FBN3: variants seen among roughly 807,000 people sequenced by gnomAD.
The protein encoded by FBN3 is fibrillin 3.
In FBN3, 234 loss-of-function variants were observed where a neutral mutation model predicts 330.1. The observed-to-expected ratio is 0.71, with a 90% CI of 0.64 to 0.79. The LOEUF (loss-of-function observed/expected upper bound fraction) is 0.79, where lower values mean the gene tolerates loss of function less well. Ranked by LOEUF, FBN3 falls within the 30% of genes least tolerant of loss-of-function variation. FBN3 has a pLI of 0.00. For missense variants in FBN3, 3,606 were observed against 3,886.9 expected, an observed-to-expected ratio of 0.93 and a Z score of 1.92; for synonymous variants, 1,458 against 1,517.3, an observed-to-expected ratio of 0.96 and a Z score of 0.91.
chr19:8,138,100 C>A, intron 10 of FBN3, 41 bp downstream of exon 10: 1 of 1,546,702 alleles, frequency 6.5e-7, no homozygotes, highest in East Asian at 2.3e-5. Context: ...CAGGACCATC[C>A]TTCAAGTCTT....
chr19:8,078,276 A>G (rs956445511), intron 59 of FBN3, among the ~76,000 whole-genome samples: 1 of 152,206 alleles, frequency 6.6e-6, no homozygotes, highest in Admixed American at 6.5e-5. Flanking sequence ...TTATTGGGAC[A>G]CAGACACGGT....
intron 41 of FBN3, among the ~76,000 whole-genome samples, 195 bp downstream of exon 41, chr19:8,100,706 A>G (rs1384608474): frequency 1.3e-5 from 2 of 152,204 alleles, no homozygotes; most frequent in Non-Finnish European, 2.9e-5. Context: ...TTTAATAAAA[A>G]TAGTGTCATT....
At chr19:8,130,639 A>AAGAAAAGGAAAGGAAAGGAAAG (rs1555750577) in intron 16 of FBN3, among the ~76,000 whole-genome samples, 1 of 3,960 alleles carries the variant, frequency 2.5e-4, no homozygotes, top group Non-Finnish European at 4.8e-4. Flanking sequence ...AAAGAAAGAA[A>AAGAAAAGGAAAGGAAAGGAAAG]GAAAGGAAAG....
At chr19:8,095,100 T>C (rs1180477238) in intron 46 of FBN3, among the ~76,000 whole-genome samples, 1 of 152,016 alleles carries the variant, frequency 6.6e-6, no homozygotes, top group Non-Finnish European at 1.5e-5. Context: ...GCCTCCTGAG[T>C]AGCTAGGACT....
At chr19:8,139,133 G>A (rs986874017) in intron 8 of FBN3, among the ~76,000 whole-genome samples, 1 of 152,004 alleles carries the variant, frequency 6.6e-6, no homozygotes, top group Non-Finnish European at 1.5e-5. Flanking sequence ...TAGATCATGA[G>A]GTCAGGAGTT....
rs145034645 is a variant in FBN3, at chr19:8,073,117, G to T, written c.7883C>A (p.Thr2628Lys). ...RGPCSYSCAN[T>K]PGGFLCGCPQ... is the part of the protein sequence containing the mutation. ...ACAGCCGCACAGGAAGCCACCAGGC[G>T]TGTTGGCACAGCTGTAGCTACAGGG... Residue 2628 changes from threonine to lysine, a missense_variant, in exon 62 of 64, where the codon ACG becomes AAG. Physicochemically the swap from Thr to Lys is moderately conservative, Grantham distance 78. Coordinates refer to ENST00000600128, the MANE Select transcript of FBN3 (RefSeq NM_032447.5). 6.2e-7 allele frequency: 1 copy of T among 1,613,754 alleles called. No individual in the cohort carries two copies. Among genetic ancestry groups the T allele is most frequent in the Non-Finnish European group, 8.5e-7 (1 of 1,179,876 alleles).
rs2083071792 is a variant in FBN3, at chr19:8,129,354, A to G, written c.2056T>C (p.Cys686Arg). Reference protein sequence around the residue: ...ITTDGRDINECALDPEVCANG... With the variant: ...ITTDGRDINERALDPEVCANG... ...GCACAAACCTCAGGATCCAGAGCAC[A>G]CTCGTTGATGTCTGCGGCAGGAGGA... The change falls in exon 17 of 64, where the codon TGT becomes CGT. Residue 686 changes from cysteine (C) to arginine (R), a missense_variant. Physicochemically the swap from Cys to Arg is radical, Grantham distance 180. Coordinates refer to ENST00000600128, the MANE Select transcript of FBN3 (RefSeq NM_032447.5). The surrounding 1 kb of genome is among the most constrained non-coding windows in gnomAD (Gnocchi z 4.5). 1 of 1,613,964 alleles carries G rather than the reference A, an allele frequency of 6.2e-7. No homozygotes were observed. The highest frequency in any genetic ancestry group is 8.5e-7 in the Non-Finnish European group (1 of 1,179,968).
In FBN3 at chr19:8,117,208, G is replaced by C; in HGVS notation, c.3547C>G (p.Gln1183Glu). Reference protein sequence around the residue: ...TEGSYRCSCGQGYSLMPDGRA... With the variant: ...TEGSYRCSCGEGYSLMPDGRA... ...CCGTCGGGCATCAGCGAGTAGCCCT[G>C]CCCACAGCTGCACCGGTAGCTGCCC... Residue 1183 changes from glutamine to glutamate, a missense_variant, in exon 28 of 64, where the codon CAG becomes GAG. Physicochemically the swap from Gln to Glu is conservative, Grantham distance 29 (BLOSUM62 2). Coordinates refer to ENST00000600128, the MANE Select transcript of FBN3 (RefSeq NM_032447.5). 2 of 1,614,046 alleles carry C rather than the reference G, an allele frequency of 1.2e-6. No homozygotes were observed. The highest frequency in any genetic ancestry group is 1.7e-6 in the Non-Finnish European group (2 of 1,179,976).
Position 8,129,774 on chromosome 19 carries a change from T to G in FBN3, c.2045-409A>C, listed in dbSNP as rs2083081836. On this transcript the variant is annotated intron_variant, in intron 16 of 63. Coordinates refer to ENST00000600128, the MANE Select transcript of FBN3 (RefSeq NM_032447.5). The surrounding 1 kb of genome is among the most constrained non-coding windows in gnomAD (Gnocchi z 4.5). ...ACTGTCATAAAAATAAAAGCAATTA[T>G]AGGCCAGATATGATGGCTGTCACCT... 1.3e-5 allele frequency among the ~76,000 whole-genome samples: 2 copies of G among 152,204 alleles called. No homozygotes were observed. The highest frequency in any genetic ancestry group is 4.1e-4 in the South Asian group (2 of 4,820).
intron 63 of FBN3, among the ~76,000 whole-genome samples, chr19:8,066,482 G>T (rs11667975): frequency 0.18 from 28,004 of 152,148 alleles, 3,277 homozygotes; most frequent in Middle Eastern, 0.3. Context: ...ACCAAATACG[G>T]CATGTTCTCA....
chr19:8,142,375 C>A (rs1054078603), intron 6 of FBN3, among the ~76,000 whole-genome samples: 2 of 152,158 alleles, frequency 1.3e-5, no homozygotes, highest in Admixed American at 6.5e-5. Context: ...CCAGCACCTC[C>A]AAGCCAATAA....
chr19:8,133,023 G>T lies in FBN3; in HGVS notation c.1675C>A (p.Pro559Thr), dbSNP rs2144981203. The stretch of plus-strand genomic sequence containing the variant: ...CCGCCAGGCGCCAGCAGGAAGCCGG[G>T]TTTGCAGAGGCAGGAGAAGCTGCCA... ...EDGSFSCLCK[P>T]GFLLAPGGHY... Residue 559 changes from proline (P) to threonine (T), a missense_variant, in exon 14 of 64, where the codon CCC becomes ACC. Physicochemically the swap from Pro to Thr is conservative, Grantham distance 38 (BLOSUM62 -1). Coordinates refer to ENST00000600128, the MANE Select transcript of FBN3 (RefSeq NM_032447.5). The T allele has an allele frequency of 6.3e-7, 1 of 1,584,150 alleles. No homozygotes were observed. The highest frequency in any genetic ancestry group is 2.3e-5 in the East Asian group (1 of 43,832).
In FBN3 at chr19:8,129,350, G is replaced by A; in HGVS notation, c.2060C>T (p.Ala687Val). 1 of 1,614,114 alleles carries A rather than the reference G, an allele frequency of 6.2e-7. No homozygotes were observed. The highest frequency in any genetic ancestry group is 8.5e-7 in the Non-Finnish European group (1 of 1,180,004). The stretch of plus-strand genomic sequence containing the variant: ...ATTGGCACAAACCTCAGGATCCAGA[G>A]CACACTCGTTGATGTCTGCGGCAGG... ...TTDGRDINECALDPEVCANGV... is the reference protein window; with the variant it reads ...TTDGRDINECVLDPEVCANGV... The change falls in exon 17 of 64, where the codon GCT (alanine) becomes GTT (valine). Residue 687 changes from alanine (A) to valine (V), a missense_variant. By Grantham distance (64) the Ala-to-Val change is moderately conservative. Transcript: ENST00000600128. This position sits in a 1 kb window ranked among gnomAD's most constrained non-coding sequence, Gnocchi z 4.5.
chr19:8,074,028 G>T (rs181667048), intron 61 of FBN3, among the ~76,000 whole-genome samples: 2 of 152,252 alleles, frequency 1.3e-5, no homozygotes, highest in South Asian at 2.1e-4. Context: ...GGGGTAAAAT[G>T]GTCCTCTGTT....
Position 8,066,180 on chromosome 19 carries a change from G to C in FBN3, c.8169C>G (p.Ile2723Met), listed in dbSNP as rs774171420. 6.2e-7 allele frequency: 1 copy of C among 1,612,282 alleles called. No homozygotes were observed. The change falls in exon 64 of 64, where the codon ATC becomes ATG. Residue 2723 changes from isoleucine (I) to methionine (M), a missense_variant. Physicochemically the swap from Ile to Met is conservative, Grantham distance 10. Transcript: ENST00000600128. ...CCTCCAGGGCCGGCCGGAGCTCCAGGATGCGCTCGGCCCGGCCCAGGTGTG... is the reference window on the plus strand; with the variant it reads ...CCTCCAGGGCCGGCCGGAGCTCCAGCATGCGCTCGGCCCGGCCCAGGTGTG... ...NLSHLGRAER[I>M]LELRPALEGL...
chr19:8,140,386 C>A (rs144388693), intron 8 of FBN3, among the ~76,000 whole-genome samples: 1,594 of 152,306 alleles, frequency 0.01, 22 homozygotes, highest in African/African-American at 0.036. Context: ...ATCACTTGAA[C>A]CCCGGAGGCG....
chr19:8,126,599 G>A lies in FBN3; in HGVS notation c.2423C>T (p.Thr808Ile). 6.2e-7 allele frequency: 1 copy of A among 1,609,518 alleles called. No homozygotes were observed. The highest frequency in any genetic ancestry group is 8.5e-7 in the Non-Finnish European group (1 of 1,179,836). Residue 808 changes from threonine (T) to isoleucine (I), a missense_variant, in exon 20 of 64, where the codon ACC (threonine) becomes ATC (isoleucine). Coordinates refer to ENST00000600128, the MANE Select transcript of FBN3 (RefSeq NM_032447.5). ...GATCTTCAGCCAGCAGGTGCCCTTG[G>A]TGCTGTCTGGGGAGAAGAGGCGGGT... ...DPSGTFCLDS[T>I]KGTCWLKIQE...
chr19:8,131,138 G>T lies in FBN3; in HGVS notation c.2044+97C>A. ...TCTGGTCTGGGGCACTTTGTTACGGGAACCCCGGGCCAACTCCTACAGCCT... is the reference window on the plus strand; with the variant it reads ...TCTGGTCTGGGGCACTTTGTTACGGTAACCCCGGGCCAACTCCTACAGCCT... On this transcript the variant is annotated intron_variant, in intron 16 of 63. Coordinates refer to ENST00000600128, the MANE Select transcript of FBN3 (RefSeq NM_032447.5). This position sits in a 1 kb window ranked among gnomAD's most constrained non-coding sequence, Gnocchi z 4.5. The T allele has an allele frequency of 8.3e-7, 1 of 1,198,532 alleles. No individual in the cohort carries two copies. 74.2% of individuals were successfully genotyped at this position (1,198,532 alleles called of 1,614,324 possible). A position where few individuals can be genotyped will look rare whatever the true frequency, so the allele number is the denominator to read the frequency against.
At chr19:8,114,764 C>T (rs1309147457) in intron 30 of FBN3, among the ~76,000 whole-genome samples, 3 of 149,574 alleles carry the variant, frequency 2.0e-5, no homozygotes, top group African/African-American at 7.4e-5. Context: ...TTTTTTGAGA[C>T]GGAGTCTGGC....
Sources: gnomAD v4.1 joint callset for allele counts (sites outside exome capture counted in the v4.1 genomes callset) on GRCh38, gnomAD v4.1.1 for gene constraint, Gnocchi (gnomAD v3.1) non-coding constraint, MANE v1.5 for transcripts, NCBI Gene and HGNC (gene_info 2026-07-23, HGNC 2026-07-21) for gene names.